The following ASTN1 variants were observed in gnomAD, a reference collection of about 807,000 sequenced individuals.
The protein encoded by ASTN1 is astrotactin-1.
ASTN1 carries 41 observed loss-of-function variants against 140.7 expected under a neutral mutation model. The ratio of observed to expected loss-of-function variants is 0.29; its 90% CI spans 0.23 to 0.38. ASTN1 has a LOEUF of 0.38. Ranked by LOEUF, ASTN1 falls within the 10% of genes least tolerant of loss-of-function variation. The pLI is 1.00. For missense variants in ASTN1, 1,479 were observed against 1,678.8 expected (o/e 0.88, Z 2.08); for synonymous variants, 640 against 652.2 (o/e 0.98, Z 0.29).
chr1:176,894,010 A>G (rs1348008926), intron 17 of ASTN1, among the ~76,000 whole-genome samples: 1 of 152,186 alleles, frequency 6.6e-6, no homozygotes, highest in Non-Finnish European at 1.5e-5. Context: ...TAGAAAGGCA[A>G]AAAGATTTGC....
chr1:177,125,879 C>T (rs227506), intron 1 of ASTN1, among the ~76,000 whole-genome samples: 35,579 of 151,996 alleles, frequency 0.23, 6,612 homozygotes, highest in African/African-American at 0.52. Context: ...ATGTGTTTAC[C>T]ACCCACTATA....
intron 2 of ASTN1, among the ~76,000 whole-genome samples, chr1:177,052,477 A>G (rs1421554506): frequency 6.6e-6 from 1 of 152,200 alleles, no homozygotes; most frequent in Non-Finnish European, 1.5e-5. Context: ...TGATTAAGCA[A>G]TTTGTCCAAG....
At chr1:176,880,185 C>T (rs1002134683) in intron 20 of ASTN1, among the ~76,000 whole-genome samples, 4 of 152,288 alleles carry the variant, frequency 2.6e-5, no homozygotes, top group Middle Eastern at 3.4e-3. Context: ...TTGGTGATGA[C>T]CCCAACGGAG....
At chr1:176,989,328 A>C (rs1260462406) in intron 8 of ASTN1, among the ~76,000 whole-genome samples, 1 of 152,192 alleles carries the variant, frequency 6.6e-6, no homozygotes, top group Non-Finnish European at 1.5e-5. Flanking sequence ...AAGGCATTAG[A>C]TCTAATCACT....
intron 1 of ASTN1, among the ~76,000 whole-genome samples, chr1:177,085,471 A>G (rs77595952): frequency 0.03 from 4,603 of 152,200 alleles, 232 homozygotes; most frequent in African/African-American, 0.1. Flanking sequence ...CTTTTTATTC[A>G]AAGACATATA....
At position 177,061,244 on chromosome 1, in the gene ASTN1, T is replaced by G; in HGVS notation, c.305A>C (p.Asp102Ala). 6 of 1,566,860 alleles carry G rather than the reference T, an allele frequency of 3.8e-6. No homozygotes were observed. The highest frequency in any genetic ancestry group is 1.7e-4 in the Middle Eastern group (1 of 5,850). ...FVLEISGNTEDIPLVRWRQQW... is the reference protein window; with the variant it reads ...FVLEISGNTEAIPLVRWRQQW... ...CTGCCTCCAGCGCACCAAAGGGATA[T>G]CCTCTGTGTTCCCTGAGATCTCTAG... The change falls in exon 2 of 23, where the codon GAT becomes GCT. Residue 102 changes from aspartate (D) to alanine (A), a missense_variant. Around this residue, in one of 3 missense-constraint regions of ASTN1, gnomAD observed 729 missense variants for 860.4 expected, o/e 0.85. Transcript: ENST00000361833.
intron 8 of ASTN1, among the ~76,000 whole-genome samples, chr1:176,992,927 G>A (rs1674255550): frequency 6.6e-6 from 1 of 152,320 alleles, no homozygotes; most frequent in African/African-American, 2.4e-5. Context: ...CTTTAAAAAT[G>A]TCATTATGGA....
intron 17 of ASTN1, among the ~76,000 whole-genome samples, chr1:176,893,983 A>G (rs1293174328): frequency 1.3e-5 from 2 of 152,198 alleles, no homozygotes; most frequent in Non-Finnish European, 2.9e-5. Context: ...GGGAAATGTC[A>G]TGGCCCAGCA....
chr1:177,000,481 G>A (rs936128322), intron 8 of ASTN1, among the ~76,000 whole-genome samples: 14 of 152,176 alleles, frequency 9.2e-5, no homozygotes, highest in African/African-American at 3.4e-4. Flanking sequence ...TAGAAGAGAA[G>A]AGCCAGCAGA....
intron 1 of ASTN1, 69 bp downstream of exon 1, chr1:177,164,325 C>A (rs1346349046): frequency 2.1e-6 from 3 of 1,407,272 alleles, no homozygotes; most frequent in Admixed American, 2.9e-5. Flanking sequence ...GTGTGTAGAG[C>A]GAGCTGGAGT....
At chr1:177,049,222 G>T (rs761338140) in intron 2 of ASTN1, among the ~76,000 whole-genome samples, 7 of 152,138 alleles carry the variant, frequency 4.6e-5, no homozygotes, top group Non-Finnish European at 7.3e-5. Flanking sequence ...GACCCCCAAG[G>T]CACAGGACAT....
chr1:176,984,847 C>A (rs550693353), intron 8 of ASTN1, among the ~76,000 whole-genome samples: 2 of 152,136 alleles, frequency 1.3e-5, no homozygotes, highest in African/African-American at 4.8e-5. Flanking sequence ...TCATTCCTGC[C>A]AAATGACTGA....
intron 8 of ASTN1, among the ~76,000 whole-genome samples, chr1:176,975,577 AGAATT>A (rs1307795690): frequency 6.6e-6 from 1 of 152,248 alleles, no homozygotes; most frequent in Non-Finnish European, 1.5e-5. Context: ...GTGCATAAAA[AGAATT>A]ACCTGTCCCC....
chr1:176,863,511 G>A lies in ASTN1; in HGVS notation c.*773C>T. 1 of 985,522 alleles carries A rather than the reference G, an allele frequency of 1.0e-6. No individual in the cohort carries two copies. Among genetic ancestry groups the A allele is most frequent in the Non-Finnish European group, 1.2e-6 (1 of 829,934 alleles). The allele number at this position is 985,522 out of a possible 1,614,324, so 61.0% of individuals were successfully genotyped here. A position where few individuals can be genotyped will look rare whatever the true frequency, so the allele number is the denominator to read the frequency against. On this transcript the variant is annotated 3_prime_UTR_variant, in exon 23 of 23. Coordinates refer to ENST00000361833, the MANE Select transcript of ASTN1 (RefSeq NM_004319.3). ...TGTGGACTGCTAACTAGTCTCCCAG[G>A]TAGACTTTTCTGAAGGTGCAGTTGA...
intron 14 of ASTN1, among the ~76,000 whole-genome samples, chr1:176,941,301 GA>G (rs1383821593): frequency 2.0e-5 from 3 of 152,092 alleles, no homozygotes; most frequent in Non-Finnish European, 4.4e-5. Flanking sequence ...TACATCAAAG[GA>G]AATATGTGAC....
chr1:176,943,342 G>T (rs1671819434), intron 14 of ASTN1, among the ~76,000 whole-genome samples: 1 of 152,096 alleles, frequency 6.6e-6, no homozygotes, highest in Non-Finnish European at 1.5e-5. Flanking sequence ...ACAATACTGA[G>T]GGGCAGGCAT....
chr1:177,062,033 CTA>C (rs1678122835), intron 1 of ASTN1, among the ~76,000 whole-genome samples: 1 of 152,044 alleles, frequency 6.6e-6, no homozygotes, highest in African/African-American at 2.4e-5. Context: ...GACTATGCCC[CTA>C]GCACTGTAGT....
chr1:177,040,234 G>A (rs1676909473), intron 2 of ASTN1, among the ~76,000 whole-genome samples: 1 of 152,212 alleles, frequency 6.6e-6, no homozygotes, highest in South Asian at 2.1e-4. Context: ...ACCTCCTCTT[G>A]GGGGTTTTCT....
intron 21 of ASTN1, among the ~76,000 whole-genome samples, chr1:176,870,402 C>T (rs1160773731): frequency 6.6e-6 from 1 of 152,168 alleles, no homozygotes; most frequent in Non-Finnish European, 1.5e-5. Context: ...TAGCAGTTTC[C>T]AGAGTTGGAA....
Sources: gnomAD v4.1 joint callset for allele counts (sites outside exome capture counted in the v4.1 genomes callset) on GRCh38, gnomAD v4.1.1 for gene constraint, gnomAD v4.1.1 regional missense constraint, MANE v1.5 for transcripts, NCBI Gene and HGNC (gene_info 2026-07-23, HGNC 2026-07-21) for gene names.